The following NEGR1 variants were observed in gnomAD, a reference collection of about 807,000 sequenced individuals.
The protein encoded by NEGR1 is neuronal growth regulator 1, also known as IgLON family member 4.
Under a neutral mutation model 40.9 loss-of-function variants are expected in NEGR1, and 10 were observed. That is an observed-to-expected ratio of 0.24 (90% CI 0.15 to 0.42). NEGR1 has a LOEUF of 0.42. Among genes scored for constraint, NEGR1 ranks in the 10% least tolerant of loss-of-function variants. The pLI is 1.00. For synonymous variants in NEGR1, 185 were observed against 166.8 expected (o/e 1.11, Z -0.84); for missense variants, 352 against 438.9 (o/e 0.80, Z 1.77).
intron 6 of NEGR1, among the ~76,000 whole-genome samples, chr1:71,451,849 T>C (rs903389486): frequency 1.3e-5 from 2 of 152,228 alleles, no homozygotes; most frequent in African/African-American, 4.8e-5. Context: ...AAGTACATAT[T>C]CCTGAAAACA....
At chr1:71,939,077 A>G (rs1645936350) in intron 1 of NEGR1, among the ~76,000 whole-genome samples, 1 of 151,752 alleles carries the variant, frequency 6.6e-6, no homozygotes, top group African/African-American at 2.4e-5. Flanking sequence ...TTTCCACTTT[A>G]CTCTGCTCTA....
At chr1:71,534,075 C>G (rs1030153178) in intron 6 of NEGR1, among the ~76,000 whole-genome samples, 2 of 151,602 alleles carry the variant, frequency 1.3e-5, no homozygotes, top group African/African-American at 4.8e-5. Flanking sequence ...AAAATCTTGC[C>G]TTGGGACTCT....
chr1:71,671,357 TC>T (rs1652423295), intron 4 of NEGR1, among the ~76,000 whole-genome samples: 1 of 152,018 alleles, frequency 6.6e-6, no homozygotes, highest in Admixed American at 6.6e-5. Flanking sequence ...GTAAACATCA[TC>T]TTTGAGGGGT....
At chr1:71,452,536 A>T (rs115123595) in intron 6 of NEGR1, among the ~76,000 whole-genome samples, 72 of 152,274 alleles carry the variant, frequency 4.7e-4, no homozygotes, top group Non-Finnish European at 7.9e-4. Context: ...AAAAATATGG[A>T]CTTGAGTAAT....
chr1:71,525,430 T>A (rs893563537), intron 6 of NEGR1, among the ~76,000 whole-genome samples: 1 of 151,710 alleles, frequency 6.6e-6, no homozygotes, highest in African/African-American at 2.4e-5. Context: ...CAATAATCAA[T>A]GCTTATTTGA....
chr1:71,656,792 T>C (rs2101587129), intron 4 of NEGR1, among the ~76,000 whole-genome samples: 1 of 152,356 alleles, frequency 6.6e-6, no homozygotes, highest in South Asian at 2.1e-4. Context: ...GAATTTGGTG[T>C]TCTATATCTA....
At chr1:71,784,186 G>A (rs1322334332) in intron 2 of NEGR1, among the ~76,000 whole-genome samples, 1 of 152,074 alleles carries the variant, frequency 6.6e-6, no homozygotes, top group African/African-American at 2.4e-5. Context: ...TCGTGATTCT[G>A]GGATGGGAGA....
intron 6 of NEGR1, among the ~76,000 whole-genome samples, chr1:71,557,435 A>G (rs1453268275): frequency 2.0e-5 from 3 of 151,634 alleles, no homozygotes; most frequent in African/African-American, 7.3e-5. Flanking sequence ...GAAAGTGACA[A>G]TGAACGTCAT....
At chr1:71,808,734 C>G (rs896695710) in intron 2 of NEGR1, among the ~76,000 whole-genome samples, 1 of 151,136 alleles carries the variant, frequency 6.6e-6, no homozygotes, top group African/African-American at 2.4e-5. Flanking sequence ...ATTCTTATTT[C>G]AGAAAAAAAA....
At chr1:72,048,483 G>C (rs1019495356) in intron 1 of NEGR1, among the ~76,000 whole-genome samples, 10 of 148,668 alleles carry the variant, frequency 6.7e-5, no homozygotes, top group African/African-American at 2.5e-4. Flanking sequence ...ATGTGTAAGC[G>C]CCTTCAAGTT....
intron 6 of NEGR1, among the ~76,000 whole-genome samples, chr1:71,560,292 C>T (rs1459619237): frequency 6.6e-6 from 1 of 150,836 alleles, no homozygotes; most frequent in Non-Finnish European, 1.5e-5. Flanking sequence ...GAATTAAACT[C>T]AGATTTTCTT....
chr1:71,740,591 G>A (rs922617804), intron 3 of NEGR1, among the ~76,000 whole-genome samples: 3 of 152,102 alleles, frequency 2.0e-5, no homozygotes, highest in African/African-American at 7.2e-5. Context: ...TACAGTGGGG[G>A]TTTGGGTAGC....
chr1:71,587,145 T>C (rs1183839211), intron 6 of NEGR1, among the ~76,000 whole-genome samples: 2 of 152,038 alleles, frequency 1.3e-5, no homozygotes, highest in Admixed American at 6.6e-5. Context: ...CCTTTCAGGG[T>C]TCATTATAAT....
At chr1:71,601,875 C>T (rs146877482) in intron 5 of NEGR1, among the ~76,000 whole-genome samples, 2,013 of 152,114 alleles carry the variant, frequency 0.013, 59 homozygotes, top group African/African-American at 0.046. Flanking sequence ...ATTTGGGTGT[C>T]GGGTGCCCTA....
intron 1 of NEGR1, among the ~76,000 whole-genome samples, chr1:72,273,412 C>G (rs1655923104): frequency 6.6e-6 from 1 of 151,896 alleles, no homozygotes; most frequent in Non-Finnish European, 1.5e-5. Context: ...TGAACTGTTC[C>G]TGTTATCTGT....
At chr1:72,185,449 T>C (rs1034400491) in intron 1 of NEGR1, among the ~76,000 whole-genome samples, 6 of 151,846 alleles carry the variant, frequency 4.0e-5, no homozygotes, top group African/African-American at 1.4e-4. Flanking sequence ...TTCATAAACT[T>C]AGCAATTCCT....
chr1:71,746,747 C>G (rs1282027591), intron 3 of NEGR1, among the ~76,000 whole-genome samples: 1 of 150,242 alleles, frequency 6.7e-6, no homozygotes, highest in South Asian at 2.1e-4. Flanking sequence ...CACATGTACA[C>G]ACACACACGC....
intron 1 of NEGR1, among the ~76,000 whole-genome samples, chr1:72,124,527 A>C (rs2100298143): frequency 6.6e-6 from 1 of 152,216 alleles, no homozygotes. Context: ...GGACCCCGTA[A>C]TTTTAGGCAT....
intron 2 of NEGR1, among the ~76,000 whole-genome samples, chr1:71,796,622 T>G (rs1657337779): frequency 6.6e-6 from 1 of 152,118 alleles, no homozygotes; most frequent in Non-Finnish European, 1.5e-5. Context: ...TGAAATAATT[T>G]TTCAAAGTGA....
Sources: gnomAD v4.1 joint callset for allele counts (sites outside exome capture counted in the v4.1 genomes callset) on GRCh38, gnomAD v4.1.1 for gene constraint, MANE v1.5 for transcripts, NCBI Gene and HGNC (gene_info 2026-07-23, HGNC 2026-07-21) for gene names.